LRBA: variants seen among roughly 807,000 people sequenced by gnomAD.
LRBA encodes lipopolysaccharide-responsive and beige-like anchor protein.
Under a neutral mutation model 330.0 loss-of-function variants are expected in LRBA, and 176 were observed. That is an observed-to-expected ratio of 0.53 (90% CI 0.47 to 0.60). The LOEUF (loss-of-function observed/expected upper bound fraction) is 0.60, where lower values mean the gene tolerates loss of function less well. Among genes scored for constraint, LRBA ranks in the 20% least tolerant of loss-of-function variants. The pLI is 0.00. For synonymous variants in LRBA, 1,230 were observed against 1,193.0 expected (o/e 1.03, Z -0.64); for missense variants, 3,259 against 3,444.8 (o/e 0.95, Z 1.35).
At chr4:150,851,052 G>A (rs1370517063) in intron 23 of LRBA, 150 bp from the exon 24 acceptor site, 1 of 553,760 alleles carries the variant, frequency 1.8e-6, no homozygotes, top group Non-Finnish European at 3.1e-6. Context: ...AATTATCAAT[G>A]AGTAATAACA....
At chr4:150,372,923 C>T (rs1740617787) in intron 47 of LRBA, among the ~76,000 whole-genome samples, 1 of 151,722 alleles carries the variant, frequency 6.6e-6, no homozygotes, top group South Asian at 2.1e-4. Context: ...TGTGGCTTCC[C>T]TCCTCCTCTC....
chr4:150,954,338 G>C (rs1189805352), intron 2 of LRBA, among the ~76,000 whole-genome samples: 1 of 152,172 alleles, frequency 6.6e-6, no homozygotes, highest in Non-Finnish European at 1.5e-5. Context: ...GGGGAAATGT[G>C]GGGAAAAGAA....
intron 44 of LRBA, among the ~76,000 whole-genome samples, chr4:150,465,509 G>A (rs1304132678): frequency 6.6e-6 from 1 of 152,040 alleles, no homozygotes; most frequent in East Asian, 1.9e-4. Flanking sequence ...CCACATCCGT[G>A]CCAACACTTG....
chr4:150,643,283 C>A (rs543354355), intron 37 of LRBA, among the ~76,000 whole-genome samples: 3 of 151,486 alleles, frequency 2.0e-5, no homozygotes, highest in Non-Finnish European at 4.4e-5. Flanking sequence ...TAAGGAGACA[C>A]CAGTAAACAG....
At chr4:150,931,068 T>C (rs1180672198) in intron 2 of LRBA, among the ~76,000 whole-genome samples, 1 of 152,234 alleles carries the variant, frequency 6.6e-6, no homozygotes, top group Non-Finnish European at 1.5e-5. Flanking sequence ...ACAATTCAAA[T>C]AAGAACTTTA....
At chr4:150,967,417 C>T (rs181120175) in intron 2 of LRBA, among the ~76,000 whole-genome samples, 11 of 152,354 alleles carry the variant, frequency 7.2e-5, no homozygotes, top group Non-Finnish European at 1.6e-4. Flanking sequence ...TTTGCTCTCC[C>T]TCCCTAAAAT....
At chr4:150,823,704 A>G (rs72719637) in intron 30 of LRBA, among the ~76,000 whole-genome samples, 1 of 152,282 alleles carries the variant, frequency 6.6e-6, no homozygotes, top group Non-Finnish European at 1.5e-5. Context: ...AGTACCACTG[A>G]GAAGACTGTC....
At chr4:150,411,044 T>A (rs931288213) in intron 47 of LRBA, among the ~76,000 whole-genome samples, 1 of 152,170 alleles carries the variant, frequency 6.6e-6, no homozygotes, top group Non-Finnish European at 1.5e-5. Context: ...AAATAAATTT[T>A]TTTCCTAGTT....
intron 34 of LRBA, among the ~76,000 whole-genome samples, chr4:150,770,354 T>G (rs1302671957): frequency 6.6e-6 from 1 of 152,202 alleles, no homozygotes; most frequent in Non-Finnish European, 1.5e-5. Flanking sequence ...TTGGTTCTAT[T>G]TCTCTGGAGA....
intron 44 of LRBA, among the ~76,000 whole-genome samples, chr4:150,460,966 A>G (rs1164386841): frequency 6.6e-6 from 1 of 151,826 alleles, no homozygotes; most frequent in Non-Finnish European, 1.5e-5. Flanking sequence ...ATGGCATATT[A>G]CAGTACTCAA....
intron 48 of LRBA, among the ~76,000 whole-genome samples, chr4:150,333,362 C>T (rs72953841): frequency 0.016 from 2,386 of 151,638 alleles, 51 homozygotes; most frequent in African/African-American, 0.05. Flanking sequence ...TACATCTGAA[C>T]GCACTATAAA....
At chr4:150,340,204 A>G (rs977954752) in intron 48 of LRBA, among the ~76,000 whole-genome samples, 39 of 152,190 alleles carry the variant, frequency 2.6e-4, no homozygotes, top group Admixed American at 6.5e-5. Context: ...AGTCTCGGGT[A>G]TGTCCTCATA....
At chr4:150,659,752 C>T (rs1780768578) in intron 37 of LRBA, among the ~76,000 whole-genome samples, 1 of 13,728 alleles carries the variant, frequency 7.3e-5, no homozygotes, top group African/African-American at 1.0e-4. Flanking sequence ...GCCCGGCCAG[C>T]CGCCCCGTCC....
chr4:150,909,344 T>TA (rs1241151013), intron 9 of LRBA, among the ~76,000 whole-genome samples: 3 of 152,224 alleles, frequency 2.0e-5, no homozygotes, highest in African/African-American at 7.2e-5. Context: ...GTTGGACTCT[T>TA]AGATACCTCG....
chr4:150,641,293 G>T (rs1260963819), intron 37 of LRBA, among the ~76,000 whole-genome samples: 1 of 151,992 alleles, frequency 6.6e-6, no homozygotes, highest in African/African-American at 2.4e-5. Flanking sequence ...TTTATCATTG[G>T]TTTTTCATAT....
chr4:150,946,469 G>A (rs1361946400), intron 2 of LRBA, among the ~76,000 whole-genome samples: 1 of 152,064 alleles, frequency 6.6e-6, no homozygotes, highest in Non-Finnish European at 1.5e-5. Flanking sequence ...GAAAGATAAA[G>A]ATCACAGAAA....
rs950247716 is a variant in LRBA, at chr4:150,332,622, A to G, written c.7363-6724T>C. On this transcript the variant is annotated intron_variant, in intron 48 of 56. Coordinates refer to ENST00000651943, the MANE Select transcript of LRBA (RefSeq NM_001364905.1). The stretch of plus-strand genomic sequence containing the variant: ...AAATGCACTACTACCACAATCACAG[A>G]GCAGTCTAGTGTTGAATAAAATATT... Among the ~76,000 whole-genome samples the G allele has an allele frequency of 2.0e-5, 3 of 151,564 alleles. No individual in the cohort carries two copies. In the Admixed American group the frequency reaches 2.0e-4, roughly 10 times the overall value.
chr4:150,556,998 G>A (rs546426143), intron 40 of LRBA, among the ~76,000 whole-genome samples: 5 of 152,090 alleles, frequency 3.3e-5, no homozygotes, highest in East Asian at 1.9e-4. Context: ...TGTTTCACCC[G>A]GTACCCACAT....
intron 37 of LRBA, among the ~76,000 whole-genome samples, chr4:150,633,424 T>C (rs953627812): frequency 6.6e-6 from 1 of 152,222 alleles, no homozygotes; most frequent in African/African-American, 2.4e-5. Flanking sequence ...CTTTAGACAA[T>C]GGCTGACACA....
Sources: gnomAD v4.1 joint callset for allele counts (sites outside exome capture counted in the v4.1 genomes callset) on GRCh38, gnomAD v4.1.1 for gene constraint, MANE v1.5 for transcripts, NCBI Gene and HGNC (gene_info 2026-07-23, HGNC 2026-07-21) for gene names.